Variants in GARRE1 observed in about 807,000 individuals in gnomAD.
GARRE1 encodes granule associated Rac and RHOG effector 1, also known as granule associated Rac and RHOG effector protein 1.
In GARRE1, 49 loss-of-function variants were observed where a neutral mutation model predicts 103.2. The observed-to-expected ratio is 0.47, with a 90% confidence interval of 0.38 to 0.60. The LOEUF is 0.60. GARRE1 is among the 20% of genes least tolerant of loss of function. The pLI is 0.00. For missense variants in GARRE1, 1,199 were observed against 1,370.5 expected, an observed-to-expected ratio of 0.87 and a Z score of 1.98; for synonymous variants, 505 against 532.8, an observed-to-expected ratio of 0.95 and a Z score of 0.72.
At chr19:34,282,194 AGAGCTG>A (rs890388766) in intron 1 of GARRE1, among the ~76,000 whole-genome samples, 2 of 149,288 alleles carry the variant, frequency 1.3e-5, no homozygotes, top group Admixed American at 6.8e-5. Context: ...TCTGTTGCCT[AGAGCTG>A]GAATGCAATA....
intron 3 of GARRE1, among the ~76,000 whole-genome samples, chr19:34,323,092 G>A (rs1174317211): frequency 7.5e-6 from 1 of 132,666 alleles, no homozygotes; most frequent in African/African-American, 2.9e-5. Context: ...GTGCAGTGGT[G>A]CGATGTTGGC....
chr19:34,339,484 C>T (rs562630895), intron 8 of GARRE1, among the ~76,000 whole-genome samples: 1 of 152,210 alleles, frequency 6.6e-6, no homozygotes, highest in African/African-American at 2.4e-5. Flanking sequence ...TTAGTGTGTT[C>T]ACCAGCGTGG....
intron 1 of GARRE1, among the ~76,000 whole-genome samples, chr19:34,298,103 A>G (rs8111058): frequency 0.65 from 98,149 of 152,012 alleles, 32,265 homozygotes; most frequent in Admixed American, 0.72. Flanking sequence ...ACGAAACTAT[A>G]TACCACCATT....
At chr19:34,288,456 C>T (rs571836286) in intron 1 of GARRE1, among the ~76,000 whole-genome samples, 1 of 152,178 alleles carries the variant, frequency 6.6e-6, no homozygotes, top group Non-Finnish European at 1.5e-5. Context: ...AAAACAGCCT[C>T]CCCTGTGTGC....
At chr19:34,339,050 T>C (rs943359499) in intron 8 of GARRE1, among the ~76,000 whole-genome samples, 1 of 152,170 alleles carries the variant, frequency 6.6e-6, no homozygotes, top group Non-Finnish European at 1.5e-5. Flanking sequence ...CACTGATGGA[T>C]TGCATGCAAG....
At chr19:34,328,824 T>G (rs977456361) in intron 6 of GARRE1, among the ~76,000 whole-genome samples, 1 of 152,170 alleles carries the variant, frequency 6.6e-6, no homozygotes. Context: ...GCCAGGATGG[T>G]GTCGAACTCC....
At chr19:34,301,685 T>C (rs960661415) in intron 2 of GARRE1, among the ~76,000 whole-genome samples, 1 of 134,870 alleles carries the variant, frequency 7.4e-6, no homozygotes, top group Non-Finnish European at 1.6e-5. Context: ...TATTTGTGGA[T>C]TTTTTTTTTT....
chr19:34,346,226 C>A (rs2074210210), intron 10 of GARRE1, among the ~76,000 whole-genome samples: 1 of 152,136 alleles, frequency 6.6e-6, no homozygotes, highest in Non-Finnish European at 1.5e-5. Context: ...TGCTGAGTCA[C>A]ATTTGATTTA....
At chr19:34,336,027 G>C (rs1414806640) in intron 8 of GARRE1, among the ~76,000 whole-genome samples, 1 of 151,248 alleles carries the variant, frequency 6.6e-6, no homozygotes, top group Non-Finnish European at 1.5e-5. Context: ...ATCTCATGCT[G>C]TCCCCCAGAC....
chr19:34,282,247 G>A (rs8109542), intron 1 of GARRE1, among the ~76,000 whole-genome samples: 455 of 109,658 alleles, frequency 4.1e-3, no homozygotes, highest in Middle Eastern at 0.019. Context: ...CGCCTCCTGG[G>A]TTCAAGCAAT....
At chr19:34,330,941 A>G (rs1264660446) in intron 7 of GARRE1, among the ~76,000 whole-genome samples, 1 of 146,196 alleles carries the variant, frequency 6.8e-6, no homozygotes, top group Non-Finnish European at 1.5e-5. Context: ...GCTGTGTTGC[A>G]CAGGCTGGAG....
Position 34,347,970 on chromosome 19 carries a change from AC to A in GARRE1, c.2620del (p.Arg874GlyfsTer93). The stretch of plus-strand genomic sequence containing the variant: ...GCCCAGCACGGTCGCCGGCCAGGCA[AC>A]CCCCGGGGCAACTGGCCGCCTATGG... ...RQAQHGRRPG[N>X]PRGNWPPMDD... On this transcript the variant is annotated frameshift_variant, in exon 11 of 14. Coordinates refer to ENST00000299505, the MANE Select transcript of GARRE1 (RefSeq NM_014686.5). LOFTEE classifies it high-confidence loss of function. The A allele has an allele frequency of 3.8e-6, 6 of 1,583,664 alleles. No homozygotes were observed. Among genetic ancestry groups the A allele is most frequent in the Non-Finnish European group, 5.2e-6 (6 of 1,163,542 alleles).
chr19:34,288,257 A>G (rs917349276), intron 1 of GARRE1, among the ~76,000 whole-genome samples: 10 of 152,216 alleles, frequency 6.6e-5, no homozygotes, highest in Non-Finnish European at 4.4e-5. Flanking sequence ...CTGAGGCTGC[A>G]GTTCCAAAAC....
At chr19:34,332,358 A>C (rs1277663969) in intron 7 of GARRE1, among the ~76,000 whole-genome samples, 1 of 152,176 alleles carries the variant, frequency 6.6e-6, no homozygotes, top group Non-Finnish European at 1.5e-5. Flanking sequence ...ATTTAGCTGA[A>C]ACTGCAAGGA....
At chr19:34,285,492 G>A (rs1414509848) in intron 1 of GARRE1, among the ~76,000 whole-genome samples, 3 of 151,902 alleles carry the variant, frequency 2.0e-5, no homozygotes, top group Non-Finnish European at 2.9e-5. Flanking sequence ...GCGTGGTATC[G>A]GGCACCTGTA....
intron 1 of GARRE1, among the ~76,000 whole-genome samples, chr19:34,261,343 A>G (rs761173601): frequency 2.0e-5 from 3 of 152,130 alleles, no homozygotes; most frequent in Non-Finnish European, 4.4e-5. Flanking sequence ...TAAGTATTCA[A>G]TGACAGTATT....
intron 1 of GARRE1, among the ~76,000 whole-genome samples, chr19:34,263,321 A>C (rs1000859328): frequency 2.0e-5 from 3 of 152,098 alleles, no homozygotes; most frequent in African/African-American, 4.8e-5. Context: ...ATAGGTTTAT[A>C]AGTGCAGAAA....
chr19:34,302,813 C>T (rs986843416), intron 2 of GARRE1, among the ~76,000 whole-genome samples: 27 of 148,374 alleles, frequency 1.8e-4, no homozygotes, highest in Admixed American at 1.4e-4. Context: ...GGCACTATCT[C>T]GGCTCACTGC....
chr19:34,262,315 T>TTTTTTTTTTTTTGG (rs1180314605), intron 1 of GARRE1, among the ~76,000 whole-genome samples: 2 of 143,834 alleles, frequency 1.4e-5, no homozygotes. Context: ...TTTTTTTTTT[T>TTTTTTTTTTTTTGG]GAGGCGGAGT....
Sources: allele counts gnomAD v4.1 joint callset (sites outside exome capture counted in the v4.1 genomes callset), GRCh38; gene constraint gnomAD v4.1.1; transcripts MANE v1.5; gene names NCBI Gene and HGNC (gene_info 2026-07-23, HGNC 2026-07-21).